Variants in COL23A1 observed in about 807,000 individuals in gnomAD.
COL23A1 encodes collagen alpha-1(XXIII) chain.
COL23A1 carries 97 observed loss-of-function variants against 99.3 expected under a neutral mutation model. The ratio of observed to expected loss-of-function variants is 0.98; its 90% CI spans 0.83 to 1.16. The LOEUF (loss-of-function observed/expected upper bound fraction) is 1.16. COL23A1 is among the 50% of genes most tolerant of loss of function. The probability of loss-of-function intolerance (pLI) is 0.00; values close to 1 mark genes in which losing one functional copy is unlikely to be tolerated. For missense variants in COL23A1, 762 were observed against 757.4 expected (o/e 1.01, Z -0.07); for synonymous variants, 320 against 308.2 (o/e 1.04, Z -0.40).
intron 2 of COL23A1, among the ~76,000 whole-genome samples, chr5:178,512,438 G>C (rs962385178): frequency 3.9e-5 from 6 of 152,180 alleles, no homozygotes; most frequent in Admixed American, 6.6e-5. Flanking sequence ...TATATCCCGG[G>C]TGTCCACCCT....
intron 2 of COL23A1, among the ~76,000 whole-genome samples, chr5:178,343,554 G>C (rs1760787604): frequency 6.6e-6 from 1 of 152,078 alleles, no homozygotes; most frequent in Admixed American, 6.5e-5. Flanking sequence ...AAGGGGTGTG[G>C]ATGGGATACA....
intron 2 of COL23A1, among the ~76,000 whole-genome samples, chr5:178,515,272 C>G (rs1759440079): frequency 6.6e-6 from 1 of 152,242 alleles, no homozygotes; most frequent in Admixed American, 6.5e-5. Context: ...TCCAGCCTCC[C>G]TCCCTGCAGC....
chr5:178,272,314 G>A (rs142454884), intron 5 of COL23A1, among the ~76,000 whole-genome samples: 1,716 of 152,328 alleles, frequency 0.011, 32 homozygotes, highest in African/African-American at 0.038. Flanking sequence ...AGACTGCCTC[G>A]TATGGAGATG....
At chr5:178,238,903 A>C (rs1006881938) in intron 28 of COL23A1, among the ~76,000 whole-genome samples, 1 of 152,086 alleles carries the variant, frequency 6.6e-6, no homozygotes, top group African/African-American at 2.4e-5. Flanking sequence ...AGTTGAGTCC[A>C]TGTGACCCAC....
At chr5:178,562,736 T>TGGGGGGGGGGGGGGGGGG (rs569933780) in intron 1 of COL23A1, 1 of 106,866 alleles carries the variant, frequency 9.4e-6, no homozygotes, top group African/African-American at 4.9e-5. Flanking sequence ...TGGCTGGTGG[T>TGGGGGGGGGGGGGGGGGG]GGGGGGGGTG....
In COL23A1 at chr5:178,253,702, C is replaced by T. The variant is rs140855909; in HGVS notation, c.961-1105G>A. ...TTCACTATGTTGGCCATGCTGGTCT[C>T]GAACTCCTCACCTCGTGATCCACCT... On this transcript the variant is annotated intron_variant, in intron 16 of 28. Transcript: ENST00000390654. Among the ~76,000 whole-genome samples, 900 of 151,858 alleles carry T rather than the reference C, an allele frequency of 5.9e-3. 7 individuals carry two copies. Among genetic ancestry groups the T allele is most frequent in the African/African-American group, 0.02 (834 of 41,482 alleles).
chr5:178,258,360 G>A (rs1765442146), intron 12 of COL23A1, among the ~76,000 whole-genome samples: 1 of 148,798 alleles, frequency 6.7e-6, no homozygotes, highest in African/African-American at 2.5e-5. Flanking sequence ...GTTTCAGCAG[G>A]TGGCCAGGGA....
At chr5:178,267,744 G>T (rs1351317944) in intron 7 of COL23A1, among the ~76,000 whole-genome samples, 2 of 152,324 alleles carry the variant, frequency 1.3e-5, no homozygotes, top group East Asian at 3.9e-4. Context: ...AGTTCTCTCT[G>T]GTTTCAAAGC....
chr5:178,490,683 C>T lies in COL23A1; in HGVS notation c.361+69999G>A, dbSNP rs150679267. On this transcript the variant is annotated intron_variant, in intron 2 of 28. Transcript: ENST00000390654. ...TCCCAGCTACTAGGGAGGCTGAGGC[C>T]GGAGAACTGCTTCGGCCTGGGAGTT... 1.4e-4 allele frequency among the ~76,000 whole-genome samples: 21 copies of T among 152,110 alleles called. No individual in the cohort carries two copies. In the East Asian group the frequency reaches 3.9e-3, roughly 28 times the overall value.
rs928491791 is a variant in COL23A1 at position 178,296,632 on chromosome 5, G to T, written c.407-6263C>A. ...TCCCCAGAGGTCCCCGGGAGGGTGT[G>T]TGGTGTGTCTGAATCACCCGGCTGG... On this transcript the variant is annotated intron_variant, in intron 3 of 28. Transcript: ENST00000390654. 3.9e-5 allele frequency among the ~76,000 whole-genome samples: 6 copies of T among 152,228 alleles called. No homozygotes were observed. The South Asian group carries it at 1.0e-3, about 26-fold the overall frequency.
At chr5:178,526,148 T>C (rs885306) in intron 2 of COL23A1, among the ~76,000 whole-genome samples, 63,071 of 152,090 alleles carry the variant, frequency 0.41, 14,114 homozygotes, top group Admixed American at 0.52. Context: ...AGGAAAGGCA[T>C]GTGGGAGAGA....
At chr5:178,480,001 T>G (rs955277511) in intron 2 of COL23A1, among the ~76,000 whole-genome samples, 1 of 151,990 alleles carries the variant, frequency 6.6e-6, no homozygotes, top group Non-Finnish European at 1.5e-5. Context: ...CATAGGCAAC[T>G]GAGATAAAAC....
chr5:178,356,261 G>T (rs1305080811), intron 2 of COL23A1, among the ~76,000 whole-genome samples: 2 of 152,172 alleles, frequency 1.3e-5, no homozygotes, highest in Non-Finnish European at 2.9e-5. Flanking sequence ...GACGATCATG[G>T]TCTAAAGTTG....
intron 25 of COL23A1, 100 bp from the exon 26 acceptor site, chr5:178,242,494 TC>T (rs1305475287): frequency 5.8e-6 from 7 of 1,206,334 alleles, no homozygotes; most frequent in Non-Finnish European, 7.2e-6. Context: ...ACGCCCACTT[TC>T]CCCCCTGCAT....
At chr5:178,435,549 T>TG (rs1766510571) in intron 2 of COL23A1, among the ~76,000 whole-genome samples, 1 of 152,148 alleles carries the variant, frequency 6.6e-6, no homozygotes, top group Non-Finnish European at 1.5e-5. Flanking sequence ...CCACCTGACC[T>TG]CAGGCGAGTT....
chr5:178,543,041 C>A (rs1761378365), intron 2 of COL23A1, among the ~76,000 whole-genome samples: 1 of 151,590 alleles, frequency 6.6e-6, no homozygotes, highest in African/African-American at 2.4e-5. Flanking sequence ...GGGAGACTTT[C>A]TTTTAACTGT....
chr5:178,257,012 C>A, intron 13 of COL23A1, 84 bp from the exon 14 acceptor site: 1 of 1,352,074 alleles, frequency 7.4e-7, no homozygotes, highest in Non-Finnish European at 1.0e-6. Context: ...TCGGGGTTGC[C>A]TGAAGCCTCG....
intron 2 of COL23A1, among the ~76,000 whole-genome samples, chr5:178,437,953 G>A (rs1561972148): frequency 6.6e-6 from 1 of 152,194 alleles, no homozygotes; most frequent in East Asian, 1.9e-4. Flanking sequence ...GGGCTCAGAG[G>A]CCCCTGACCA....
intron 2 of COL23A1, among the ~76,000 whole-genome samples, chr5:178,547,209 G>A (rs1562076007): frequency 6.6e-6 from 1 of 151,996 alleles, no homozygotes; most frequent in African/African-American, 2.4e-5. Context: ...TCTGATTCAC[G>A]CCAGCACCGA....
Sources: gnomAD v4.1 joint callset for allele counts (sites outside exome capture counted in the v4.1 genomes callset) on GRCh38, gnomAD v4.1.1 for gene constraint, MANE v1.5 for transcripts, NCBI Gene and HGNC (gene_info 2026-07-23, HGNC 2026-07-21) for gene names.